The following CSMD1 variants were observed in gnomAD, a reference collection of about 807,000 sequenced individuals.
CSMD1 encodes the protein CUB and Sushi multiple domains 1.
CSMD1 carries 213 observed loss-of-function variants against 417.5 expected under a neutral mutation model. The ratio of observed to expected loss-of-function variants is 0.51; its 90% CI spans 0.46 to 0.57. The LOEUF is 0.57. Ranked by LOEUF, CSMD1 falls within the 20% of genes least tolerant of loss-of-function variation. CSMD1 has a pLI of 0.00. For missense variants in CSMD1, 6,923 were observed against 4,529.7 expected, an observed-to-expected ratio of 1.53 and a Z score of -15.17; for synonymous variants, 2,862 against 1,736.8, an observed-to-expected ratio of 1.65 and a Z score of -16.11.
At chr8:3,764,390 A>T (rs1040462318) in intron 5 of CSMD1, among the ~76,000 whole-genome samples, 3 of 152,164 alleles carry the variant, frequency 2.0e-5, no homozygotes, top group African/African-American at 7.2e-5. Context: ...GAAATACCAC[A>T]AACATAATCA....
At chr8:4,144,016 G>T (rs886911834) in intron 3 of CSMD1, among the ~76,000 whole-genome samples, 2 of 151,240 alleles carry the variant, frequency 1.3e-5, no homozygotes, top group African/African-American at 4.9e-5. Flanking sequence ...AAGGAGGAGG[G>T]CTATAGAGAA....
chr8:4,124,503 C>G (rs1391682920), intron 3 of CSMD1, among the ~76,000 whole-genome samples: 2 of 152,286 alleles, frequency 1.3e-5, no homozygotes, highest in Middle Eastern at 3.4e-3. Flanking sequence ...CCAACTGCCC[C>G]TTGAGTGTGT....
intron 3 of CSMD1, among the ~76,000 whole-genome samples, chr8:4,238,869 C>G (rs545350541): frequency 6.6e-6 from 1 of 152,170 alleles, no homozygotes; most frequent in African/African-American, 2.4e-5. Context: ...ATAGCAAATG[C>G]AATTTTTTTA....
intron 48 of CSMD1, among the ~76,000 whole-genome samples, chr8:3,088,637 T>G (rs1339523758): frequency 6.6e-6 from 1 of 152,132 alleles, no homozygotes; most frequent in Non-Finnish European, 1.5e-5. Flanking sequence ...TTTCCTTTTT[T>G]TTAATGGGCT....
intron 23 of CSMD1, among the ~76,000 whole-genome samples, chr8:3,340,976 A>G (rs1807603679): frequency 6.6e-6 from 1 of 152,222 alleles, no homozygotes; most frequent in African/African-American, 2.4e-5. Context: ...TTTATAGAAC[A>G]TTTGTGCTAC....
chr8:2,980,725 C>T (rs1010680313), intron 54 of CSMD1, among the ~76,000 whole-genome samples: 1 of 152,194 alleles, frequency 6.6e-6, no homozygotes, highest in Admixed American at 6.5e-5. Flanking sequence ...TTAAGGGTCA[C>T]TCTTGCCGTG....
In CSMD1 at chr8:3,142,647, G is replaced by C. The variant is rs1456963597; in HGVS notation, c.6059C>G (p.Ser2020Cys). Residue 2020 changes from serine (S) to cysteine (C), a missense_variant, in exon 41 of 70, where the codon TCT (serine) becomes TGT (cysteine). Transcript: ENST00000635120. ...AAGGAAGTCATGATTAGCTTCGGTA[G>C]AAAAATTCAGAAACTGAATATGTGC... ...YGAHIQFLNF[S>C]TEANHDFLEI... 3 of 1,613,746 alleles carry C rather than the reference G, an allele frequency of 1.9e-6. No homozygotes were observed. The highest frequency in any genetic ancestry group is 2.2e-5 in the East Asian group (1 of 44,874).
chr8:4,708,694 G>C (rs112411967), intron 1 of CSMD1, among the ~76,000 whole-genome samples: 3,172 of 151,928 alleles, frequency 0.021, 108 homozygotes, highest in African/African-American at 0.072. Flanking sequence ...TTAAGAGAAA[G>C]ATTTCCCAAC....
chr8:4,876,799 C>T (rs927126164), intron 1 of CSMD1, among the ~76,000 whole-genome samples: 2 of 151,894 alleles, frequency 1.3e-5, no homozygotes, highest in African/African-American at 2.4e-5. Context: ...TTTTATTTTT[C>T]CTTCTCAGAT....
chr8:3,110,943 G>T (rs1228021514), intron 42 of CSMD1, among the ~76,000 whole-genome samples: 3 of 152,136 alleles, frequency 2.0e-5, no homozygotes, highest in Non-Finnish European at 2.9e-5. Flanking sequence ...TTTTTGTTAA[G>T]AAATTTATAT....
chr8:4,380,481 A>G (rs1803031102), intron 3 of CSMD1, among the ~76,000 whole-genome samples: 1 of 152,232 alleles, frequency 6.6e-6, no homozygotes, highest in Non-Finnish European at 1.5e-5. Context: ...AGGTCATCAA[A>G]GACAAGGAAA....
intron 10 of CSMD1, among the ~76,000 whole-genome samples, chr8:3,499,506 G>C (rs1278437635): frequency 6.6e-6 from 1 of 152,036 alleles, no homozygotes; most frequent in South Asian, 2.1e-4. Context: ...TGGAGTGGGG[G>C]GAGTGTTCAC....
chr8:3,388,087 T>C (rs748421174), intron 17 of CSMD1, among the ~76,000 whole-genome samples: 16 of 152,216 alleles, frequency 1.1e-4, no homozygotes, highest in Non-Finnish European at 1.5e-4. Flanking sequence ...TATATTTATA[T>C]ATTCCAGTTA....
chr8:3,949,937 C>G (rs117484920), intron 5 of CSMD1: 1 of 455,958 alleles, frequency 2.2e-6, no homozygotes, highest in Admixed American at 2.3e-5. Context: ...CGTGAAAACA[C>G]ACATGGAGAG....
At chr8:4,464,539 A>G (rs913661976) in intron 2 of CSMD1, among the ~76,000 whole-genome samples, 9 of 152,164 alleles carry the variant, frequency 5.9e-5, no homozygotes, top group Non-Finnish European at 8.8e-5. Context: ...ATATTGAACT[A>G]AAAGTGAAAA....
intron 10 of CSMD1, among the ~76,000 whole-genome samples, chr8:3,561,332 T>A (rs1799458413): frequency 6.6e-6 from 1 of 152,156 alleles, no homozygotes; most frequent in Non-Finnish European, 1.5e-5. Context: ...ACACCCGCAC[T>A]CCTCTGTTCA....
At chr8:4,216,503 T>G (rs1800679493) in intron 3 of CSMD1, among the ~76,000 whole-genome samples, 1 of 152,196 alleles carries the variant, frequency 6.6e-6, no homozygotes, top group Admixed American at 6.5e-5. Context: ...GAATTAGTGC[T>G]TATTCAGTAC....
At chr8:4,244,079 C>T (rs1290962653) in intron 3 of CSMD1, among the ~76,000 whole-genome samples, 1 of 152,204 alleles carries the variant, frequency 6.6e-6, no homozygotes, top group Non-Finnish European at 1.5e-5. Context: ...CTGTTGTGGA[C>T]AGCTCTGTGC....
intron 18 of CSMD1, among the ~76,000 whole-genome samples, chr8:3,384,573 C>A (rs1300920120): frequency 6.7e-6 from 1 of 148,990 alleles, no homozygotes; most frequent in East Asian, 2.0e-4. Context: ...AAATATATTT[C>A]GTATCCATTT....
Sources: allele counts gnomAD v4.1 joint callset (sites outside exome capture counted in the v4.1 genomes callset), GRCh38; gene constraint gnomAD v4.1.1; transcripts MANE v1.5; gene names NCBI Gene and HGNC (gene_info 2026-07-23, HGNC 2026-07-21).